PPM1D: variants seen among roughly 807,000 people sequenced by gnomAD.
The protein encoded by PPM1D is protein phosphatase 1D.
PPM1D carries 52 observed loss-of-function variants against 58.3 expected under a neutral mutation model. That is an observed-to-expected ratio of 0.89 (90% confidence interval 0.71 to 1.12). The LOEUF (loss-of-function observed/expected upper bound fraction) is 1.12. PPM1D is among the 50% of genes most tolerant of loss of function. The probability of loss-of-function intolerance (pLI) is 0.00; values close to 1 mark genes in which losing one functional copy is unlikely to be tolerated. For missense variants in PPM1D, 564 were observed against 777.2 expected (o/e 0.73, Z 3.26); for synonymous variants, 278 against 285.1 (o/e 0.98, Z 0.25).
intron 1 of PPM1D, among the ~76,000 whole-genome samples, chr17:60,610,640 C>G (rs995814114): frequency 6.6e-6 from 1 of 152,216 alleles, no homozygotes; most frequent in Non-Finnish European, 1.5e-5. Flanking sequence ...GGAGCACTGC[C>G]AAGATCATTT....
chr17:60,663,450 A>G lies in PPM1D; in HGVS notation c.1716A>G (p.Arg572=). Reference sequence around the variant, plus strand: ...CAAGTCTCCCCACAACCTCACAGCGAAAGAACTCTGTTAAACTCACCATGC... The same window carrying G: ...CAAGTCTCCCCACAACCTCACAGCGGAAGAACTCTGTTAAACTCACCATGC... The part of the protein sequence containing the change: ...QPASLPTTSQ[R]KNSVKLTMRR... The change falls in exon 6 of 6, where the codon CGA becomes CGG. Residue 572 remains arginine, a synonymous_variant. Coordinates refer to ENST00000305921, the MANE Select transcript of PPM1D (RefSeq NM_003620.4). 1 of 1,614,188 alleles carries G rather than the reference A, an allele frequency of 6.2e-7. No individual in the cohort carries two copies. The highest frequency in any genetic ancestry group is 8.5e-7 in the Non-Finnish European group (1 of 1,180,034).
intron 3 of PPM1D, among the ~76,000 whole-genome samples, chr17:60,638,790 G>C (rs1263067583): frequency 6.6e-6 from 1 of 152,044 alleles, no homozygotes; most frequent in Admixed American, 6.6e-5. Context: ...CACCCTTATG[G>C]TTTACGGCCA....
At chr17:60,606,684 A>G (rs767305879) in intron 1 of PPM1D, among the ~76,000 whole-genome samples, 2 of 152,182 alleles carry the variant, frequency 1.3e-5, no homozygotes, top group Non-Finnish European at 2.9e-5. Flanking sequence ...TTGTCTTTCT[A>G]ATGATGTGTA....
intron 4 of PPM1D, among the ~76,000 whole-genome samples, chr17:60,653,735 A>T (rs565708562): frequency 6.6e-6 from 1 of 152,148 alleles, no homozygotes; most frequent in African/African-American, 2.4e-5. Flanking sequence ...TTTCCTTTAT[A>T]GATCTTTCAC....
chr17:60,636,945 G>T (rs901353592), intron 3 of PPM1D, among the ~76,000 whole-genome samples: 2 of 150,378 alleles, frequency 1.3e-5, no homozygotes. Context: ...GTGCATGTGC[G>T]ACAGCGCTCA....
chr17:60,623,841 C>T (rs1201429352), intron 2 of PPM1D, 92 bp downstream of exon 2: 13 of 1,236,326 alleles, frequency 1.1e-5, no homozygotes, highest in Admixed American at 2.6e-5. Context: ...GTCCCTTTTA[C>T]TGAAGTTACT....
chr17:60,657,652 G>T (rs1191887532), intron 5 of PPM1D, among the ~76,000 whole-genome samples: 2 of 152,178 alleles, frequency 1.3e-5, no homozygotes, highest in Non-Finnish European at 2.9e-5. Context: ...CTTGGAAATG[G>T]ATTATTACTG....
At chr17:60,604,315 T>C (rs996334427) in intron 1 of PPM1D, among the ~76,000 whole-genome samples, 23 of 152,230 alleles carry the variant, frequency 1.5e-4, no homozygotes, top group African/African-American at 5.5e-4. Context: ...AAATGTATCA[T>C]TGAGAACAAA....
intron 2 of PPM1D, among the ~76,000 whole-genome samples, chr17:60,631,847 C>G (rs563623640): frequency 4.0e-4 from 61 of 152,284 alleles, no homozygotes; most frequent in African/African-American, 1.3e-3. Flanking sequence ...GAGACCATCT[C>G]TAATGTTTTG....
At chr17:60,621,458 C>T (rs1304759423) in intron 1 of PPM1D, among the ~76,000 whole-genome samples, 3 of 151,874 alleles carry the variant, frequency 2.0e-5, no homozygotes, top group African/African-American at 7.3e-5. Context: ...GCAGTGGCAC[C>T]ATCTCCACTC....
chr17:60,658,822 T>G (rs1207169619), intron 5 of PPM1D, among the ~76,000 whole-genome samples: 2 of 151,518 alleles, frequency 1.3e-5, no homozygotes, highest in African/African-American at 4.9e-5. Context: ...ATTAGCTGGA[T>G]GTGGTGGCTC....
At chr17:60,605,045 C>T (rs964259258) in intron 1 of PPM1D, among the ~76,000 whole-genome samples, 9 of 152,200 alleles carry the variant, frequency 5.9e-5, no homozygotes, top group African/African-American at 2.2e-4. Flanking sequence ...TGGTCTTGAA[C>T]TCTTGACCTC....
chr17:60,646,129 G>A (rs936807822), intron 3 of PPM1D, among the ~76,000 whole-genome samples: 1 of 152,044 alleles, frequency 6.6e-6, no homozygotes, highest in South Asian at 2.1e-4. Context: ...TTATTATTTC[G>A]TCAACCAGGG....
At chr17:60,656,993 A>T in intron 5 of PPM1D, 152 bp downstream of exon 5, 1 of 1,556,998 alleles carries the variant, frequency 6.4e-7, no homozygotes, top group Non-Finnish European at 8.6e-7. Flanking sequence ...AGCCATCTTT[A>T]CATCAATACT....
At chr17:60,614,075 T>C (rs2030528018) in intron 1 of PPM1D, among the ~76,000 whole-genome samples, 1 of 151,048 alleles carries the variant, frequency 6.6e-6, no homozygotes, top group African/African-American at 2.4e-5. Context: ...CGGTGCGGGA[T>C]CCACTGCAAA....
At position 60,663,555 on chromosome 17, in the gene PPM1D, T is replaced by C. The variant is rs917497148; in HGVS notation, c.*3T>C. 1.2e-6 allele frequency: 2 copies of C among 1,601,480 alleles called. No homozygotes were observed. Among genetic ancestry groups the C allele is most frequent in the Admixed American group, 1.7e-5 (1 of 59,728 alleles). On this transcript the variant is annotated 3_prime_UTR_variant, in exon 6 of 6. Coordinates refer to ENST00000305921, the MANE Select transcript of PPM1D (RefSeq NM_003620.4). ...GGAAAACTGTTTGTGTTTGCTGAAA[T>C]GCATCTGGGAAATGAGGTTTTTCCA...
intron 2 of PPM1D, among the ~76,000 whole-genome samples, chr17:60,629,916 C>T (rs1446646761): frequency 2.0e-5 from 3 of 151,902 alleles, no homozygotes; most frequent in Non-Finnish European, 4.4e-5. Flanking sequence ...GGCATGTTCC[C>T]GTAATCCCAG....
chr17:60,605,783 T>C (rs2030317381), intron 1 of PPM1D, among the ~76,000 whole-genome samples: 1 of 152,148 alleles, frequency 6.6e-6, no homozygotes, highest in Non-Finnish European at 1.5e-5. Flanking sequence ...TGTGTACCTG[T>C]AATCCCAGCT....
At chr17:60,626,886 A>G (rs777108814) in intron 2 of PPM1D, among the ~76,000 whole-genome samples, 6 of 152,090 alleles carry the variant, frequency 3.9e-5, no homozygotes, top group Non-Finnish European at 7.4e-5. Context: ...GAAATATTGA[A>G]TCTTTTTATA....
Sources: allele counts gnomAD v4.1 joint callset (sites outside exome capture counted in the v4.1 genomes callset), GRCh38; gene constraint gnomAD v4.1.1; transcripts MANE v1.5; gene names NCBI Gene and HGNC (gene_info 2026-07-23, HGNC 2026-07-21).